DRG1: variants seen among roughly 807,000 people sequenced by gnomAD.
DRG1 encodes the protein developmentally regulated GTP binding protein 1.
DRG1 carries 19 observed loss-of-function variants against 38.8 expected under a neutral mutation model. The ratio of observed to expected loss-of-function variants is 0.49; its 90% CI spans 0.34 to 0.72. The LOEUF (loss-of-function observed/expected upper bound fraction) is 0.72. Among genes scored for constraint, DRG1 ranks in the 30% least tolerant of loss-of-function variants. DRG1 has a pLI of 0.01. For missense variants in DRG1, 299 were observed against 444.8 expected (o/e 0.67, Z 2.95); for synonymous variants, 167 against 157.5 (o/e 1.06, Z -0.45).
chr22:31,400,299 C>T (rs955587948), intron 1 of DRG1, among the ~76,000 whole-genome samples: 1 of 151,846 alleles, frequency 6.6e-6, no homozygotes. Flanking sequence ...CCTGAGAGCG[C>T]TTTACAATTA....
In DRG1 at chr22:31,434,152, C is replaced by T; in HGVS notation, c.*181C>T. On this transcript the variant is annotated 3_prime_UTR_variant, in exon 9 of 9. Transcript: ENST00000331457. ...TGGTGTCACCTTGTATGTCGAACTG[C>T]ATAAAAGATCTGGTAGGCTGGTCAG... 1 of 565,846 alleles carries T rather than the reference C, an allele frequency of 1.8e-6. No individual in the cohort carries two copies. The highest frequency in any genetic ancestry group is 3.2e-6 in the Non-Finnish European group (1 of 314,606). 35.1% of individuals were successfully genotyped at this position (565,846 alleles called of 1,614,324 possible). A position where few individuals can be genotyped will look rare whatever the true frequency, so the allele number is the denominator to read the frequency against.
intron 3 of DRG1, among the ~76,000 whole-genome samples, chr22:31,404,635 G>A (rs1407086201): frequency 6.7e-6 from 1 of 150,254 alleles, no homozygotes; most frequent in African/African-American, 2.4e-5. Context: ...GTTTTGTTTT[G>A]TTTTGAGACA....
intron 4 of DRG1, among the ~76,000 whole-genome samples, chr22:31,413,422 C>T (rs542500589): frequency 6.6e-6 from 1 of 152,028 alleles, no homozygotes; most frequent in African/African-American, 2.4e-5. Flanking sequence ...TATCTTTTGT[C>T]TCTTAATTTT....
intron 3 of DRG1, among the ~76,000 whole-genome samples, chr22:31,407,033 G>A (rs1161581161): frequency 6.6e-6 from 1 of 152,078 alleles, no homozygotes; most frequent in Non-Finnish European, 1.5e-5. Context: ...TTTGTGTGAT[G>A]TTTTCTCTTG....
At chr22:31,423,523 C>CTTTT (rs1229925627) in intron 6 of DRG1, 113 bp downstream of exon 6, 50 of 478,478 alleles carry the variant, frequency 1.0e-4, no homozygotes, top group Middle Eastern at 7.2e-4. Flanking sequence ...GTCCTACTGT[C>CTTTT]TTTTTTTTTT....
At chr22:31,408,450 C>A (rs1335712584) in intron 3 of DRG1, among the ~76,000 whole-genome samples, 1 of 151,088 alleles carries the variant, frequency 6.6e-6, no homozygotes, top group East Asian at 2.0e-4. Context: ...AGCTGAGAAT[C>A]CCTATGAAAA....
Position 31,434,246 on chromosome 22 carries a change from G to A in DRG1, c.*275G>A, listed in dbSNP as rs892577775. The A allele has an allele frequency of 2.4e-5, 8 of 332,998 alleles. No individual in the cohort carries two copies. The highest frequency in any genetic ancestry group is 9.0e-5 in the Admixed American group (2 of 22,216). The allele number at this position is 332,998 out of a possible 1,614,324, so 20.6% of individuals were successfully genotyped here. Reference sequence around the variant, plus strand: ...GGGCTGAATGAGGAAGGGTATATACGGTGAAGCAGCTACAGAAGGGATCCT... The same window carrying A: ...GGGCTGAATGAGGAAGGGTATATACAGTGAAGCAGCTACAGAAGGGATCCT... On this transcript the variant is annotated 3_prime_UTR_variant, in exon 9 of 9. Coordinates refer to ENST00000331457, the MANE Select transcript of DRG1 (RefSeq NM_004147.4).
intron 3 of DRG1, among the ~76,000 whole-genome samples, chr22:31,407,685 C>CTT (rs71319190): frequency 0.22 from 29,494 of 137,056 alleles, 3,955 homozygotes; most frequent in East Asian, 0.44. Context: ...TTTCATTTTT[C>CTT]TTTTTTTTTT....
At chr22:31,416,552 C>T (rs12159563) in intron 4 of DRG1, among the ~76,000 whole-genome samples, 21 of 152,068 alleles carry the variant, frequency 1.4e-4, no homozygotes, top group African/African-American at 4.8e-4. Flanking sequence ...GTCAGGAGTT[C>T]AAGACCAGCC....
intron 8 of DRG1, 35 bp downstream of exon 8, chr22:31,427,217 C>A (rs765101753): frequency 2.5e-6 from 4 of 1,605,364 alleles, no homozygotes; most frequent in Middle Eastern, 1.7e-4. Context: ...CTCCTTTTTC[C>A]TATGAGTTAC....
intron 5 of DRG1, among the ~76,000 whole-genome samples, chr22:31,423,033 A>C (rs2050085429): frequency 6.6e-6 from 1 of 152,156 alleles, no homozygotes; most frequent in Admixed American, 6.6e-5. Flanking sequence ...TCACATTCTG[A>C]GATACTGAGG....
At chr22:31,416,188 G>T (rs1310542194) in intron 4 of DRG1, among the ~76,000 whole-genome samples, 6 of 151,984 alleles carry the variant, frequency 3.9e-5, no homozygotes, top group Non-Finnish European at 8.8e-5. Flanking sequence ...GAGATGGGAG[G>T]ATCACTTGAA....
chr22:31,405,488 T>G (rs1270358584), intron 3 of DRG1, among the ~76,000 whole-genome samples: 1 of 151,958 alleles, frequency 6.6e-6, no homozygotes, highest in Non-Finnish European at 1.5e-5. Context: ...ATTTTCTGCC[T>G]GTGTTCAGCT....
intron 8 of DRG1, among the ~76,000 whole-genome samples, chr22:31,431,878 T>C (rs2050141100): frequency 6.6e-6 from 1 of 152,180 alleles, no homozygotes; most frequent in Non-Finnish European, 1.5e-5. Flanking sequence ...CTGTCCTTTT[T>C]CAAACTTTGT....
At chr22:31,432,100 G>A (rs954741503) in intron 8 of DRG1, among the ~76,000 whole-genome samples, 3 of 150,900 alleles carry the variant, frequency 2.0e-5, no homozygotes, top group African/African-American at 7.3e-5. Context: ...TTGAGATAGG[G>A]TCTTGTTCTG....
chr22:31,413,921 G>C (rs1008604011), intron 4 of DRG1, among the ~76,000 whole-genome samples: 1 of 152,058 alleles, frequency 6.6e-6, no homozygotes, highest in Non-Finnish European at 1.5e-5. Flanking sequence ...CCCGACACCT[G>C]TCTATTCTTA....
chr22:31,417,153 C>G (rs909419898), intron 4 of DRG1, among the ~76,000 whole-genome samples: 1 of 151,792 alleles, frequency 6.6e-6, no homozygotes, highest in Non-Finnish European at 1.5e-5. Context: ...GGGTGGATCA[C>G]CAGGTCAGGA....
chr22:31,427,576 T>A (rs552483303), intron 8 of DRG1, among the ~76,000 whole-genome samples: 10 of 152,126 alleles, frequency 6.6e-5, no homozygotes, highest in African/African-American at 9.6e-5. Context: ...TGAAAAAAAA[T>A]TATTTTATTT....
chr22:31,399,895 T>C (rs2049951274), intron 1 of DRG1, among the ~76,000 whole-genome samples, 170 bp downstream of exon 1: 1 of 151,996 alleles, frequency 6.6e-6, no homozygotes, highest in Non-Finnish European at 1.5e-5. Context: ...AGTCCCCGAC[T>C]CTCCTCAGTC....
Sources: allele counts gnomAD v4.1 joint callset (sites outside exome capture counted in the v4.1 genomes callset), GRCh38; gene constraint gnomAD v4.1.1; transcripts MANE v1.5; gene names NCBI Gene and HGNC (gene_info 2026-07-23, HGNC 2026-07-21).